The following GNG2 variants were observed in gnomAD, a reference collection of about 807,000 sequenced individuals.
GNG2 encodes the protein guanine nucleotide-binding protein G(I)/G(S)/G(O) subunit gamma-2.
GNG2 carries 5 observed loss-of-function variants against 5.5 expected under a neutral mutation model. The observed-to-expected ratio is 0.91, with a 90% CI of 0.48 to 1.92. GNG2 has a LOEUF of 1.92. Ranked by LOEUF, GNG2 falls within the 30% of genes most tolerant of loss-of-function variation. The pLI is 0.01. For missense variants in GNG2, 55 were observed against 88.4 expected (o/e 0.62, Z 1.52); for synonymous variants, 28 against 32.0 (o/e 0.88, Z 0.42).
At chr14:51,850,270 T>C (rs575111635) in intron 2 of GNG2, among the ~76,000 whole-genome samples, 1 of 152,326 alleles carries the variant, frequency 6.6e-6, no homozygotes, top group Admixed American at 6.5e-5. Flanking sequence ...TAAAGTAAGT[T>C]GCCTCTTATG....
At chr14:51,960,253 C>T (rs1459923696) in intron 3 of GNG2, among the ~76,000 whole-genome samples, 1 of 150,820 alleles carries the variant, frequency 6.6e-6, no homozygotes, top group Admixed American at 6.6e-5. Flanking sequence ...ACTAATCTTT[C>T]TTCTACAGTG....
At chr14:51,921,893 A>T (rs1232872750) in intron 2 of GNG2, among the ~76,000 whole-genome samples, 2 of 152,154 alleles carry the variant, frequency 1.3e-5, no homozygotes, top group Non-Finnish European at 2.9e-5. Context: ...TTTTAATTAA[A>T]CCCATACAGA....
intron 2 of GNG2, among the ~76,000 whole-genome samples, chr14:51,943,105 C>T (rs1888443254): frequency 6.6e-6 from 1 of 152,146 alleles, no homozygotes; most frequent in Admixed American, 6.5e-5. Context: ...CTGGGGTGGT[C>T]CTCTGGCAGC....
At chr14:51,941,663 C>T (rs1290392821) in intron 2 of GNG2, among the ~76,000 whole-genome samples, 1 of 152,150 alleles carries the variant, frequency 6.6e-6, no homozygotes, top group Non-Finnish European at 1.5e-5. Flanking sequence ...CTTTGTGCCA[C>T]AGAAATAAGG....
intron 1 of GNG2, among the ~76,000 whole-genome samples, chr14:51,874,357 G>A (rs1489642091): frequency 6.6e-6 from 1 of 151,472 alleles, no homozygotes; most frequent in Non-Finnish European, 1.5e-5. Flanking sequence ...CCCGTGAGGA[G>A]GAGGTTGCAG....
chr14:51,949,399 T>C (rs1033426666), intron 2 of GNG2, among the ~76,000 whole-genome samples: 1 of 152,224 alleles, frequency 6.6e-6, no homozygotes. Flanking sequence ...TTAAAAAAAA[T>C]CTATGTACAG....
intron 1 of GNG2, among the ~76,000 whole-genome samples, chr14:51,861,812 T>A (rs1882506403): frequency 6.6e-6 from 1 of 152,226 alleles, no homozygotes; most frequent in African/African-American, 2.4e-5. Context: ...GCAGCACGAT[T>A]TAAAGAATTA....
intron 2 of GNG2, among the ~76,000 whole-genome samples, chr14:51,942,038 G>A (rs893339817): frequency 2.3e-4 from 35 of 152,190 alleles, no homozygotes; most frequent in Non-Finnish European, 4.1e-4. Flanking sequence ...AATATAACCC[G>A]GAATAATCTC....
intron 2 of GNG2, among the ~76,000 whole-genome samples, chr14:51,880,517 A>G (rs974492389): frequency 4.6e-5 from 7 of 152,228 alleles, no homozygotes; most frequent in African/African-American, 1.4e-4. Flanking sequence ...TTTTTTAAAA[A>G]TCATCTTTTG....
At chr14:51,896,546 A>G (rs1246694987) in intron 2 of GNG2, among the ~76,000 whole-genome samples, 1 of 152,244 alleles carries the variant, frequency 6.6e-6, no homozygotes, top group Non-Finnish European at 1.5e-5. Context: ...ACCCATAGAA[A>G]GAAGCCTAAG....
chr14:51,911,320 G>T (rs1264282801), intron 2 of GNG2, among the ~76,000 whole-genome samples: 1 of 152,136 alleles, frequency 6.6e-6, no homozygotes, highest in African/African-American at 2.4e-5. Context: ...GAAGGGAATG[G>T]TTATCAAGGC....
chr14:51,841,397 C>G (rs1489774093), intron 2 of GNG2: 6 of 549,226 alleles, frequency 1.1e-5, no homozygotes, highest in African/African-American at 3.8e-5. Context: ...AGAGGCTGCA[C>G]CAAACAAACA....
chr14:51,921,611 C>T (rs1005152166), intron 2 of GNG2, among the ~76,000 whole-genome samples: 1 of 152,154 alleles, frequency 6.6e-6, no homozygotes, highest in Non-Finnish European at 1.5e-5. Flanking sequence ...GGTAATTAAG[C>T]CCCTGAGGAT....
At chr14:51,905,650 G>A (rs943321637) in intron 2 of GNG2, among the ~76,000 whole-genome samples, 3 of 152,180 alleles carry the variant, frequency 2.0e-5, no homozygotes, top group African/African-American at 7.2e-5. Context: ...GATATTCTTT[G>A]GCAGGGTGAT....
chr14:51,838,338 G>A (rs540662096), intron 2 of GNG2, among the ~76,000 whole-genome samples: 9 of 152,234 alleles, frequency 5.9e-5, no homozygotes, highest in African/African-American at 2.2e-4. Flanking sequence ...CAGCTGCTCA[G>A]GAGGCTGAGG....
At chr14:51,954,168 A>C (rs773282460) in intron 3 of GNG2, among the ~76,000 whole-genome samples, 5 of 152,184 alleles carry the variant, frequency 3.3e-5, no homozygotes, top group Non-Finnish European at 5.9e-5. Flanking sequence ...ATCCCTTTAC[A>C]TCACAGACCC....
chr14:51,943,727 G>A (rs79375201), intron 2 of GNG2, among the ~76,000 whole-genome samples: 4,830 of 152,106 alleles, frequency 0.032, 177 homozygotes, highest in East Asian at 0.14. Context: ...GAATAAAATA[G>A]TTAAGAACTA....
At chr14:51,959,361 C>T (rs1566715706) in intron 3 of GNG2, among the ~76,000 whole-genome samples, 1 of 152,154 alleles carries the variant, frequency 6.6e-6, no homozygotes, top group Non-Finnish European at 1.5e-5. Flanking sequence ...TTGCCATAGC[C>T]CTACCCAGCT....
At chr14:51,903,711 C>T (rs944400420) in intron 2 of GNG2, among the ~76,000 whole-genome samples, 63 of 152,178 alleles carry the variant, frequency 4.1e-4, no homozygotes, top group African/African-American at 1.3e-3. Flanking sequence ...TAGACCTGCA[C>T]GATAAATCCT....
Sources: allele counts gnomAD v4.1 joint callset (sites outside exome capture counted in the v4.1 genomes callset), GRCh38; gene constraint gnomAD v4.1.1; transcripts MANE v1.5; gene names NCBI Gene and HGNC (gene_info 2026-07-23, HGNC 2026-07-21).